MEIS2: variants seen among roughly 807,000 people sequenced by gnomAD.
The protein encoded by MEIS2 is Meis homeobox 2, also known as homeobox protein Meis2.
MEIS2 carries 9 observed loss-of-function variants against 58.6 expected under a neutral mutation model. That is an observed-to-expected ratio of 0.15 (90% CI 0.09 to 0.27). MEIS2 has a LOEUF of 0.27. Among genes scored for constraint, MEIS2 ranks in the 10% least tolerant of loss-of-function variants. The probability of loss-of-function intolerance (pLI) is 1.00; values close to 1 mark genes in which losing one functional copy is unlikely to be tolerated. For synonymous variants in MEIS2, 221 were observed against 228.4 expected, an observed-to-expected ratio of 0.97 and a Z score of 0.29; for missense variants, 427 against 635.0, an observed-to-expected ratio of 0.67 and a Z score of 3.52.
intron 9 of MEIS2, among the ~76,000 whole-genome samples, chr15:36,941,339 G>A (rs902815421): frequency 2.0e-5 from 3 of 152,136 alleles, no homozygotes; most frequent in East Asian, 3.9e-4. Flanking sequence ...GAATCCCTGT[G>A]CATCCTTTTA....
intron 9 of MEIS2, among the ~76,000 whole-genome samples, chr15:36,948,022 T>C (rs987342269): frequency 3.3e-5 from 5 of 151,932 alleles, no homozygotes; most frequent in Non-Finnish European, 7.4e-5. Context: ...TTTAGAGGTA[T>C]TTGCTATACT....
chr15:37,046,610 T>C (rs1258279377), intron 7 of MEIS2, among the ~76,000 whole-genome samples: 1 of 152,100 alleles, frequency 6.6e-6, no homozygotes, highest in Non-Finnish European at 1.5e-5. Flanking sequence ...TAGTATAGTT[T>C]TGCACGCCTG....
chr15:37,098,415 AG>A (rs1894638306), intron 1 of MEIS2: 4 of 1,218,308 alleles, frequency 3.3e-6, no homozygotes, highest in Non-Finnish European at 3.1e-6. Flanking sequence ...AGAGAGAGAG[AG>A]AGAGAGAGAA....
chr15:36,911,270 C>CGTGT (rs57919785), intron 9 of MEIS2, among the ~76,000 whole-genome samples: 19,060 of 149,878 alleles, frequency 0.13, 1,225 homozygotes, highest in Non-Finnish European at 0.15. Context: ...TTAAGAATAA[C>CGTGT]GTGTGTGTGT....
intron 10 of MEIS2, among the ~76,000 whole-genome samples, chr15:36,896,152 A>G (rs1457722984): frequency 6.6e-6 from 1 of 152,266 alleles, no homozygotes; most frequent in African/African-American, 2.4e-5. Flanking sequence ...AATATTCTTT[A>G]ATAAAAAATA....
At chr15:36,914,899 G>C (rs571622181) in intron 9 of MEIS2, among the ~76,000 whole-genome samples, 9 of 152,262 alleles carry the variant, frequency 5.9e-5, no homozygotes, top group African/African-American at 2.2e-4. Flanking sequence ...GACGTGTGAA[G>C]TCAACACGTG....
chr15:36,930,054 T>C (rs944978721), intron 9 of MEIS2, among the ~76,000 whole-genome samples: 25 of 151,608 alleles, frequency 1.6e-4, no homozygotes, highest in African/African-American at 5.8e-4. Context: ...AATACAAAAA[T>C]TAGCCGACTG....
intron 8 of MEIS2, among the ~76,000 whole-genome samples, chr15:36,986,086 A>G (rs1595871881): frequency 2.6e-5 from 4 of 152,170 alleles, no homozygotes; most frequent in East Asian, 1.9e-4. Flanking sequence ...AGTCAGATCA[A>G]TTTTGATATG....
At chr15:36,926,942 C>T (rs1193687760) in intron 9 of MEIS2, among the ~76,000 whole-genome samples, 1 of 152,162 alleles carries the variant, frequency 6.6e-6, no homozygotes, top group Non-Finnish European at 1.5e-5. Context: ...ACGGATATCT[C>T]AAGAGCTCCA....
intron 7 of MEIS2, among the ~76,000 whole-genome samples, chr15:37,047,558 G>A (rs2062725506): frequency 6.6e-6 from 1 of 152,184 alleles, no homozygotes; most frequent in Admixed American, 6.5e-5. Context: ...TAGGAGCCTT[G>A]AAGTTGGGCT....
intron 8 of MEIS2, among the ~76,000 whole-genome samples, chr15:36,994,279 A>C (rs1172651839): frequency 6.6e-6 from 1 of 152,194 alleles, no homozygotes; most frequent in African/African-American, 2.4e-5. Flanking sequence ...AATAAATTAC[A>C]TAAAGGAGGA....
chr15:37,015,812 C>G (rs566855591), intron 8 of MEIS2, among the ~76,000 whole-genome samples: 65 of 152,244 alleles, frequency 4.3e-4, no homozygotes, highest in Non-Finnish European at 7.8e-4. Context: ...TCACGAGGCT[C>G]TAGATATCCT....
intron 7 of MEIS2, among the ~76,000 whole-genome samples, chr15:37,075,942 T>G (rs1891348087): frequency 1.3e-5 from 2 of 151,950 alleles, no homozygotes; most frequent in Non-Finnish European, 2.9e-5. Flanking sequence ...CTGAGGAAAC[T>G]TATTGCTGTA....
At chr15:37,034,995 G>T (rs796247818) in intron 8 of MEIS2, among the ~76,000 whole-genome samples, 2 of 152,094 alleles carry the variant, frequency 1.3e-5, no homozygotes, top group Admixed American at 6.5e-5. Flanking sequence ...CTCTGACATT[G>T]GTTTTGATGA....
intron 9 of MEIS2, among the ~76,000 whole-genome samples, chr15:36,905,694 G>C (rs2141250167): frequency 1.3e-5 from 2 of 152,218 alleles, no homozygotes; most frequent in East Asian, 3.9e-4. Context: ...GTCACACATT[G>C]GTAAATCTTC....
At chr15:36,904,433 T>G (rs921556061) in intron 9 of MEIS2, among the ~76,000 whole-genome samples, 18 of 152,254 alleles carry the variant, frequency 1.2e-4, no homozygotes, top group Non-Finnish European at 2.2e-4. Context: ...GAAGCCTTAT[T>G]GTAGCAACCA....
chr15:36,953,295 C>A (rs1194767), intron 8 of MEIS2, among the ~76,000 whole-genome samples: 151,745 of 152,310 alleles, frequency 1, 75,593 homozygotes, highest in East Asian at 1. Context: ...AACAGACATC[C>A]TATTGAAATA....
intron 9 of MEIS2, among the ~76,000 whole-genome samples, chr15:36,931,407 A>G (rs931859920): frequency 3.9e-5 from 6 of 152,234 alleles, no homozygotes; most frequent in Non-Finnish European, 8.8e-5. Flanking sequence ...TTAAAATTCA[A>G]ATCAGAATAC....
chr15:36,906,098 G>A (rs2056721122), intron 9 of MEIS2, among the ~76,000 whole-genome samples: 1 of 152,230 alleles, frequency 6.6e-6, no homozygotes, highest in Non-Finnish European at 1.5e-5. Context: ...GGCCGATGTT[G>A]TGCAAGGGAG....
Sources: allele counts gnomAD v4.1 joint callset (sites outside exome capture counted in the v4.1 genomes callset), GRCh38; gene constraint gnomAD v4.1.1; transcripts MANE v1.5; gene names NCBI Gene and HGNC (gene_info 2026-07-23, HGNC 2026-07-21).